The following MARVELD2 variants were observed in gnomAD, a reference collection of about 807,000 sequenced individuals.
MARVELD2 encodes MARVEL domain-containing protein 2.
In MARVELD2, 49 loss-of-function variants were observed where a neutral mutation model predicts 57.6. The ratio of observed to expected loss-of-function variants is 0.85; its 90% CI spans 0.68 to 1.08. The LOEUF is 1.08. MARVELD2 is among the 50% of genes least tolerant of loss of function. The pLI, the probability that MARVELD2 is intolerant of heterozygous loss-of-function variation, is 0.00. For synonymous variants in MARVELD2, 238 were observed against 258.8 expected (o/e 0.92, Z 0.77); for missense variants, 606 against 701.1 (o/e 0.86, Z 1.53).
intron 5 of MARVELD2, among the ~76,000 whole-genome samples, chr5:69,437,545 A>C (rs960419108): frequency 2.0e-5 from 3 of 149,648 alleles, no homozygotes; most frequent in Non-Finnish European, 4.5e-5. Flanking sequence ...TTAGCCGAGC[A>C]TGGTGGTGGG....
Position 69,441,824 on chromosome 5 carries a change from G to T in MARVELD2, c.*170G>T, listed in dbSNP as rs1767337846. Reference sequence around the variant, plus strand: ...AAGCAATTAGCCTCCCCAGTAGCTGGGATTACAGGCGTGCGCTGCCACACC... The same window carrying T: ...AAGCAATTAGCCTCCCCAGTAGCTGTGATTACAGGCGTGCGCTGCCACACC... On this transcript the variant is annotated 3_prime_UTR_variant, in exon 7 of 7. Transcript: ENST00000325631. 2.0e-6 allele frequency: 1 copy of T among 493,208 alleles called. No individual in the cohort carries two copies. Among genetic ancestry groups the T allele is most frequent in the Non-Finnish European group, 3.7e-6 (1 of 270,658 alleles). 30.6% of individuals were successfully genotyped at this position (493,208 alleles called of 1,614,324 possible). A position where few individuals can be genotyped will look rare whatever the true frequency, so the allele number is the denominator to read the frequency against.
rs1317118027 is a variant in MARVELD2, at chr5:69,425,384, T to TA, written c.1182+751dup. Reference sequence around the variant, plus strand: ...CAATGTGCACATGTTCCCTAAAACTTAAAGTATAATAAAAAAATATATATA... The same window carrying TA: ...CAATGTGCACATGTTCCCTAAAACTTAAAAGTATAATAAAAAAATATATATA... On this transcript the variant is annotated intron_variant, in intron 3 of 6. Transcript: ENST00000325631. Among the ~76,000 whole-genome samples the TA allele has an allele frequency of 2.6e-3, 387 of 147,300 alleles. 2 individuals carry two copies. The Middle Eastern group carries it at 0.034, about 13-fold the overall frequency.
intron 2 of MARVELD2, among the ~76,000 whole-genome samples, chr5:69,422,401 A>T (rs1308990786): frequency 6.6e-6 from 1 of 152,206 alleles, no homozygotes; most frequent in Non-Finnish European, 1.5e-5. Flanking sequence ...TAGGCCTCTG[A>T]AATGGCCGCT....
At chr5:69,432,147 A>T (rs557862794) in intron 3 of MARVELD2, among the ~76,000 whole-genome samples, 2 of 151,980 alleles carry the variant, frequency 1.3e-5, no homozygotes, top group South Asian at 4.2e-4. Context: ...AGGAGCTGGG[A>T]TTATAGGCAC....
intron 3 of MARVELD2, among the ~76,000 whole-genome samples, chr5:69,429,910 G>A (rs951581335): frequency 6.7e-6 from 1 of 150,008 alleles, no homozygotes; most frequent in African/African-American, 2.4e-5. Flanking sequence ...TTATTTATTT[G>A]TTTGTTTGTT....
At chr5:69,434,462 A>C (rs941054401) in intron 5 of MARVELD2, among the ~76,000 whole-genome samples, 118 of 150,454 alleles carry the variant, frequency 7.8e-4, no homozygotes, top group African/African-American at 2.8e-3. Flanking sequence ...ATGTCTCCAA[A>C]AAAAAAAAAA....
intron 5 of MARVELD2, among the ~76,000 whole-genome samples, chr5:69,434,845 G>A (rs531052762): frequency 3.3e-5 from 5 of 151,132 alleles, no homozygotes; most frequent in Admixed American, 1.3e-4. Context: ...TCAGGCATGC[G>A]CCACCATGCC....
rs746834282 is a variant in MARVELD2 at position 69,420,215 on chromosome 5, T to C, written c.830T>C (p.Met277Thr). The change falls in exon 2 of 7, where the codon ATG becomes ACG. Residue 277 changes from methionine to threonine, a missense_variant. Met to Thr is a moderately conservative substitution (Grantham distance 81). Transcript: ENST00000325631. Reference sequence around the variant, plus strand: ...ATTATTCTGGTTCTTGGCATGTCCATGTATTACCGGACCATTCTTCTGGAC... The same window carrying C: ...ATTATTCTGGTTCTTGGCATGTCCACGTATTACCGGACCATTCTTCTGGAC... ...TIIILVLGMS[M>T]YYRTILLDSN... The C allele has an allele frequency of 3.1e-6, 5 of 1,614,188 alleles. No homozygotes were observed. Among genetic ancestry groups the C allele is most frequent in the East Asian group, 2.2e-5 (1 of 44,880 alleles).
rs1411941661 is a variant in MARVELD2 at position 69,443,880 on chromosome 5, T to A, written c.*2226T>A. The A allele has an allele frequency of 6.6e-6, 1 of 151,924 alleles. No homozygotes were observed. Among genetic ancestry groups the A allele is most frequent in the Non-Finnish European group, 1.5e-5 (1 of 67,982 alleles). 9.4% of individuals were successfully genotyped at this position (151,924 alleles called of 1,614,324 possible). A position where few individuals can be genotyped will look rare whatever the true frequency, so the allele number is the denominator to read the frequency against. The stretch of plus-strand genomic sequence containing the variant: ...TTCCATGGCTTTGTAGGCTGTGCTG[T>A]GTCTGAAGGGGTAACACCTAGGGAA... On this transcript the variant is annotated 3_prime_UTR_variant, in exon 7 of 7. Transcript: ENST00000325631.
intron 5 of MARVELD2, among the ~76,000 whole-genome samples, chr5:69,439,778 T>C (rs1767273396): frequency 6.6e-6 from 1 of 151,908 alleles, no homozygotes; most frequent in Admixed American, 6.6e-5. Flanking sequence ...CGCTGTAAAT[T>C]ATTATATTTA....
chr5:69,419,742 C>G lies in MARVELD2; in HGVS notation c.357C>G (p.Ala119=), dbSNP rs762051145. 2 of 1,614,120 alleles carry G rather than the reference C, an allele frequency of 1.2e-6. No individual in the cohort carries two copies. The highest frequency in any genetic ancestry group is 3.3e-5 in the Admixed American group (2 of 60,012). The stretch of plus-strand genomic sequence containing the variant: ...ATGGAGTGGAGTGTTCACCACCAGC[C>G]TCTCCAGCAAGACCAAACCACCGTT... ...ISDGVECSPP[A]SPARPNHRSP... The change falls in exon 2 of 7, where the codon GCC becomes GCG. Residue 119 remains alanine (A), a synonymous_variant. Transcript: ENST00000325631.
At chr5:69,420,674 T>G in intron 2 of MARVELD2, 143 bp downstream of exon 2, 2 of 847,208 alleles carry the variant, frequency 2.4e-6, no homozygotes, top group South Asian at 3.3e-5. Context: ...TTTTCAATGG[T>G]CTGAGATTCA....
chr5:69,415,950 T>C (rs945568289), intron 1 of MARVELD2, among the ~76,000 whole-genome samples: 1 of 152,208 alleles, frequency 6.6e-6, no homozygotes, highest in African/African-American at 2.4e-5. Context: ...TATCCAGATA[T>C]TTAAGATGTA....
At chr5:69,431,990 C>T (rs1356986399) in intron 3 of MARVELD2, among the ~76,000 whole-genome samples, 1 of 151,470 alleles carries the variant, frequency 6.6e-6, no homozygotes, top group Non-Finnish European at 1.5e-5. Flanking sequence ...TAGCGGACTA[C>T]AGACACACAC....
In MARVELD2 at chr5:69,420,045, G is replaced by A. The variant is rs1438063825; in HGVS notation, c.660G>A (p.Glu220=). The change falls in exon 2 of 7, where the codon GAG becomes GAA. Residue 220 remains glutamate, a synonymous_variant. Coordinates refer to ENST00000325631, the MANE Select transcript of MARVELD2 (RefSeq NM_001038603.3). The part of the protein sequence containing the change: ...CVTAYIHKDS[E]WYNLFGYSQP... ...CAGCTTACATTCACAAGGACAGTGA[G>A]TGGTACAACTTGTTTGGATATTCAC... 1 of 1,614,068 alleles carries A rather than the reference G, an allele frequency of 6.2e-7. No individual in the cohort carries two copies. Among genetic ancestry groups the A allele is most frequent in the Non-Finnish European group, 8.5e-7 (1 of 1,180,054 alleles).
rs1285595935 is a variant in MARVELD2 at position 69,433,240 on chromosome 5, G to A, written c.1503+147G>A. 4.3e-5 allele frequency: 34 copies of A among 791,236 alleles called. No individual in the cohort carries two copies. In the Admixed American group the frequency reaches 9.4e-4, roughly 22 times the overall value. The allele number at this position is 791,236 out of a possible 1,614,324, so 49.0% of individuals were successfully genotyped here. On this transcript the variant is annotated intron_variant, in intron 5 of 6. Coordinates refer to ENST00000325631, the MANE Select transcript of MARVELD2 (RefSeq NM_001038603.3). ...TGCAGTGGCACAATCTTGGCTTGCT[G>A]CAACCTCCACCTCCTGGGTTCAAGC...
chr5:69,437,481 G>A (rs1228823908), intron 5 of MARVELD2, among the ~76,000 whole-genome samples: 5 of 150,930 alleles, frequency 3.3e-5, no homozygotes, highest in African/African-American at 7.3e-5. Flanking sequence ...TCAGGAGATC[G>A]AGACCAGCCT....
At chr5:69,432,136 G>A (rs1413491299) in intron 3 of MARVELD2, among the ~76,000 whole-genome samples, 2 of 151,798 alleles carry the variant, frequency 1.3e-5, no homozygotes, top group South Asian at 2.1e-4. Flanking sequence ...TCAGCCTCCC[G>A]AGGAGCTGGG....
chr5:69,431,275 C>T (rs1307099296), intron 3 of MARVELD2, among the ~76,000 whole-genome samples: 6 of 151,994 alleles, frequency 3.9e-5, no homozygotes, highest in South Asian at 2.1e-4. Context: ...CCACTATGCC[C>T]GGCTAATTTT....
Sources: gnomAD v4.1 joint callset for allele counts (sites outside exome capture counted in the v4.1 genomes callset) on GRCh38, gnomAD v4.1.1 for gene constraint, MANE v1.5 for transcripts, NCBI Gene and HGNC (gene_info 2026-07-23, HGNC 2026-07-21) for gene names.